The following FSIP1 variants were observed in gnomAD, a reference collection of about 807,000 sequenced individuals.
FSIP1 encodes the protein fibrous sheath interacting protein 1.
FSIP1 carries 65 observed loss-of-function variants against 60.9 expected under a neutral mutation model. The observed-to-expected ratio is 1.07, with a 90% CI of 0.87 to 1.31. The LOEUF (loss-of-function observed/expected upper bound fraction) is 1.31. Among genes scored for constraint, FSIP1 ranks in the 40% most tolerant of loss-of-function variants. The pLI is 0.00. For missense variants in FSIP1, 675 were observed against 665.5 expected, an observed-to-expected ratio of 1.01 and a Z score of -0.16; for synonymous variants, 209 against 221.2, an observed-to-expected ratio of 0.94 and a Z score of 0.49.
At chr15:39,626,226 C>G (rs1891632716) in intron 10 of FSIP1, among the ~76,000 whole-genome samples, 1 of 152,138 alleles carries the variant, frequency 6.6e-6, no homozygotes, top group Non-Finnish European at 1.5e-5. Context: ...TGCTTGATAT[C>G]ATCTAAACTT....
chr15:39,724,907 A>G lies in FSIP1; in HGVS notation c.1050+1682T>C, dbSNP rs1036508099. Among the ~76,000 whole-genome samples, 4 of 152,052 alleles carry G rather than the reference A, an allele frequency of 2.6e-5. 1 individual carries two copies. Among genetic ancestry groups the G allele is most frequent in the Non-Finnish European group, 5.9e-5 (4 of 67,996 alleles). On this transcript the variant is annotated intron_variant, in intron 9 of 11. Transcript: ENST00000350221. The stretch of plus-strand genomic sequence containing the variant: ...TCCTTTTTGAAAAATAGAATTCAGT[A>G]ACATAAATAAACTAGCCTAACTCAT...
At chr15:39,736,503 C>G (rs927955449) in intron 8 of FSIP1, among the ~76,000 whole-genome samples, 1 of 152,208 alleles carries the variant, frequency 6.6e-6, no homozygotes, top group African/African-American at 2.4e-5. Flanking sequence ...ACAAAAAAAT[C>G]TGAATTTCTA....
At chr15:39,695,746 T>C (rs571105680) in intron 10 of FSIP1, among the ~76,000 whole-genome samples, 95 of 152,266 alleles carry the variant, frequency 6.2e-4, no homozygotes, top group Non-Finnish European at 1.1e-3. Context: ...ATGTTGATCA[T>C]GTGTGTTTGC....
At chr15:39,711,116 T>TA (rs745550083) in intron 10 of FSIP1, among the ~76,000 whole-genome samples, 2 of 152,214 alleles carry the variant, frequency 1.3e-5, no homozygotes, top group African/African-American at 2.4e-5. Context: ...GCCAATGTGT[T>TA]AGTCTGTCTG....
Position 39,741,970 on chromosome 15 carries a change from T to C in FSIP1, c.560-70A>G. ...TAAGTAGTTGTCTACAAAATTGTTT[T>C]AAAAAGATAACATTTAATATTCTCT... On this transcript the variant is annotated intron_variant, in intron 5 of 11. Transcript: ENST00000350221. The C allele has an allele frequency of 3.6e-6, 3 of 826,300 alleles. No homozygotes were observed. The Admixed American group carries it at 6.1e-5, about 17-fold the overall frequency. The allele number at this position is 826,300 out of a possible 1,614,324, so 51.2% of individuals were successfully genotyped here.
At chr15:39,775,559 G>A (rs1450106012) in intron 2 of FSIP1, among the ~76,000 whole-genome samples, 1 of 152,136 alleles carries the variant, frequency 6.6e-6, no homozygotes, top group African/African-American at 2.4e-5. Context: ...GATATGTTTT[G>A]ACTCTGTGTC....
intron 10 of FSIP1, among the ~76,000 whole-genome samples, chr15:39,640,725 G>A (rs72725096): frequency 1.2e-3 from 153 of 125,984 alleles, no homozygotes; most frequent in African/African-American, 2.8e-3. Context: ...AAGATTTACA[G>A]ACAAAAAAAA....
At chr15:39,623,584 T>C (rs1157641110) in intron 10 of FSIP1, among the ~76,000 whole-genome samples, 1 of 152,224 alleles carries the variant, frequency 6.6e-6, no homozygotes, top group African/African-American at 2.4e-5. Flanking sequence ...TATAGCTCTC[T>C]ATTGCAACCA....
chr15:39,723,139 A>G (rs895000320), intron 9 of FSIP1, among the ~76,000 whole-genome samples: 1 of 152,212 alleles, frequency 6.6e-6, no homozygotes, highest in Non-Finnish European at 1.5e-5. Context: ...GAATATTACT[A>G]TTATTTTATA....
intron 9 of FSIP1, among the ~76,000 whole-genome samples, chr15:39,723,186 T>A (rs1896051545): frequency 6.6e-6 from 1 of 152,208 alleles, no homozygotes; most frequent in African/African-American, 2.4e-5. Context: ...TTCTAATTAG[T>A]GCCCAAGTCC....
intron 10 of FSIP1, among the ~76,000 whole-genome samples, chr15:39,619,064 A>G (rs949631235): frequency 2.0e-5 from 3 of 152,246 alleles, no homozygotes; most frequent in Admixed American, 6.5e-5. Flanking sequence ...AGAAGTCCCC[A>G]TAAGAAAACT....
intron 10 of FSIP1, among the ~76,000 whole-genome samples, chr15:39,646,944 T>C (rs1021484991): frequency 2.0e-5 from 3 of 152,196 alleles, no homozygotes; most frequent in Non-Finnish European, 2.9e-5. Flanking sequence ...GATGACATTA[T>C]GCTAAGTGAA....
chr15:39,760,349 C>G (rs1233109419), intron 5 of FSIP1, among the ~76,000 whole-genome samples: 3 of 151,972 alleles, frequency 2.0e-5, no homozygotes, highest in African/African-American at 4.8e-5. Context: ...GCATCTCCCC[C>G]AAGATATGTA....
intron 2 of FSIP1, 23 bp from the exon 3 acceptor site, chr15:39,770,633 A>T (rs1382656757): frequency 2.1e-6 from 3 of 1,416,338 alleles, no homozygotes. Context: ...TCAAAAAAAA[A>T]ACAGTTTCCG....
chr15:39,744,173 G>C (rs1385835817), intron 5 of FSIP1, among the ~76,000 whole-genome samples: 2 of 152,152 alleles, frequency 1.3e-5, no homozygotes, highest in South Asian at 4.1e-4. Context: ...ACTCTGGATA[G>C]AGAGTATTTG....
intron 8 of FSIP1, among the ~76,000 whole-genome samples, chr15:39,727,309 T>C (rs1243390972): frequency 6.6e-6 from 1 of 152,224 alleles, no homozygotes; most frequent in African/African-American, 2.4e-5. Flanking sequence ...TGATTCAATA[T>C]GAATATCACA....
chr15:39,734,542 A>T (rs1896537700), intron 8 of FSIP1, among the ~76,000 whole-genome samples: 1 of 152,216 alleles, frequency 6.6e-6, no homozygotes, highest in Non-Finnish European at 1.5e-5. Context: ...ATGAAAGTAC[A>T]CCAAAGATCC....
At chr15:39,626,830 T>C (rs1241929021) in intron 10 of FSIP1, among the ~76,000 whole-genome samples, 1 of 152,104 alleles carries the variant, frequency 6.6e-6, no homozygotes, top group Non-Finnish European at 1.5e-5. Flanking sequence ...AATGGATGAA[T>C]ACAGTTAGAC....
At chr15:39,657,432 C>A (rs972846193) in intron 10 of FSIP1, among the ~76,000 whole-genome samples, 1 of 151,982 alleles carries the variant, frequency 6.6e-6, no homozygotes, top group Non-Finnish European at 1.5e-5. Context: ...AAAACACTCT[C>A]CAACAAAAAC....
Sources: gnomAD v4.1 joint callset for allele counts (sites outside exome capture counted in the v4.1 genomes callset) on GRCh38, gnomAD v4.1.1 for gene constraint, MANE v1.5 for transcripts, NCBI Gene and HGNC (gene_info 2026-07-23, HGNC 2026-07-21) for gene names.